The following TEKT5 variants were observed in gnomAD, a reference collection of about 807,000 sequenced individuals.
TEKT5 encodes the protein tektin-5.
Under a neutral mutation model 48.7 loss-of-function variants are expected in TEKT5, and 52 were observed. The observed-to-expected ratio is 1.07, with a 90% CI of 0.86 to 1.35. The LOEUF (loss-of-function observed/expected upper bound fraction) is 1.35. Among genes scored for constraint, TEKT5 ranks in the 40% most tolerant of loss-of-function variants. TEKT5 has a pLI of 0.00. For synonymous variants in TEKT5, 318 were observed against 267.6 expected (o/e 1.19, Z -1.84); for missense variants, 831 against 641.6 (o/e 1.30, Z -3.19).
chr16:10,629,596 A>C (rs997598170), intron 6 of TEKT5, among the ~76,000 whole-genome samples: 1 of 152,148 alleles, frequency 6.6e-6, no homozygotes, highest in Non-Finnish European at 1.5e-5. Flanking sequence ...CCTTGTCTAG[A>C]TAAGAGCCTC....
intron 5 of TEKT5, among the ~76,000 whole-genome samples, chr16:10,667,701 T>C (rs1051244447): frequency 6.6e-5 from 10 of 152,186 alleles, no homozygotes; most frequent in African/African-American, 1.7e-4. Context: ...ATATTTCCCA[T>C]ATCCACATAC....
intron 6 of TEKT5, among the ~76,000 whole-genome samples, chr16:10,629,253 ATTT>A (rs1010012795): frequency 6.9e-6 from 1 of 144,718 alleles, no homozygotes; most frequent in African/African-American, 2.5e-5. Context: ...TTTTATCACA[ATTT>A]TTTTTTTTTT....
chr16:10,678,409 T>G (rs930551012), intron 4 of TEKT5, among the ~76,000 whole-genome samples: 5 of 152,210 alleles, frequency 3.3e-5, no homozygotes, highest in Admixed American at 6.5e-5. Context: ...TTTTCAGACA[T>G]TTTAAAGCAC....
At chr16:10,641,695 G>T (rs1028865002) in intron 5 of TEKT5, among the ~76,000 whole-genome samples, 26 of 152,264 alleles carry the variant, frequency 1.7e-4, no homozygotes, top group Non-Finnish European at 3.4e-4. Flanking sequence ...GGTGATGCGC[G>T]CCTGTAGTCC....
intron 6 of TEKT5, among the ~76,000 whole-genome samples, chr16:10,631,354 G>C (rs1005889315): frequency 2.7e-5 from 4 of 147,644 alleles, no homozygotes; most frequent in Non-Finnish European, 6.0e-5. Context: ...CCATGGGGTG[G>C]GGGCGGGGGA....
intron 5 of TEKT5, among the ~76,000 whole-genome samples, chr16:10,658,587 G>A (rs537416839): frequency 1.3e-5 from 2 of 152,298 alleles, no homozygotes; most frequent in Non-Finnish European, 2.9e-5. Flanking sequence ...TTCCTTTGGG[G>A]AGGGGGTGTA....
chr16:10,672,720 C>A (rs1898568578), intron 5 of TEKT5, among the ~76,000 whole-genome samples: 1 of 152,194 alleles, frequency 6.6e-6, no homozygotes, highest in Non-Finnish European at 1.5e-5. Context: ...AACATATAGG[C>A]AAGTAAATCA....
chr16:10,642,775 C>G (rs935729983), intron 5 of TEKT5, among the ~76,000 whole-genome samples: 13 of 152,084 alleles, frequency 8.5e-5, no homozygotes, highest in Non-Finnish European at 1.9e-4. Flanking sequence ...TATGCAGAAG[C>G]TAAAGTGTTG....
intron 5 of TEKT5, among the ~76,000 whole-genome samples, chr16:10,660,908 C>A (rs1401914132): frequency 6.6e-6 from 1 of 152,056 alleles, no homozygotes; most frequent in East Asian, 1.9e-4. Context: ...GCCATGTTGG[C>A]CAGGCTGGTC....
chr16:10,664,866 A>G (rs1245197434), intron 5 of TEKT5, among the ~76,000 whole-genome samples: 1 of 152,256 alleles, frequency 6.6e-6, no homozygotes, highest in Non-Finnish European at 1.5e-5. Context: ...TACTATTTTT[A>G]TAGCTAATAG....
chr16:10,628,372 T>C lies in TEKT5; in HGVS notation c.1242-573A>G, dbSNP rs57008893. Among the ~76,000 whole-genome samples, 875 of 152,322 alleles carry C rather than the reference T, an allele frequency of 5.7e-3. 8 individuals carry two copies. The highest frequency in any genetic ancestry group is 0.02 in the African/African-American group (817 of 41,566). On this transcript the variant is annotated intron_variant, in intron 6 of 6. Transcript: ENST00000283025. ...ACAGGATAGGAGACCAATCTGGAGA[T>C]TCCTCGATAAGTTAGACATAGACTT...
chr16:10,652,990 C>T (rs1363760418), intron 5 of TEKT5, among the ~76,000 whole-genome samples: 1 of 152,234 alleles, frequency 6.6e-6, no homozygotes, highest in Non-Finnish European at 1.5e-5. Flanking sequence ...CACACATGCA[C>T]AGAGCTGGCA....
intron 5 of TEKT5, among the ~76,000 whole-genome samples, chr16:10,637,586 G>A (rs1002446359): frequency 2.6e-5 from 4 of 151,252 alleles, no homozygotes; most frequent in African/African-American, 9.7e-5. Context: ...CAGATCTCAG[G>A]GAGGGGCAGG....
intron 5 of TEKT5, among the ~76,000 whole-genome samples, chr16:10,670,353 C>G (rs1391557361): frequency 6.6e-6 from 1 of 152,138 alleles, no homozygotes; most frequent in African/African-American, 2.4e-5. Context: ...ATGGTGAAAC[C>G]TCATCTCTAC....
Position 10,694,391 on chromosome 16 carries a change from C to A in TEKT5, c.483G>T (p.Arg161Ser), listed in dbSNP as rs61731535. The A allele has an allele frequency of 6.2e-7, 1 of 1,614,006 alleles. No individual in the cohort carries two copies. The highest frequency in any genetic ancestry group is 8.5e-7 in the Non-Finnish European group (1 of 1,180,032). Residue 161 changes from arginine to serine, a missense_variant, in exon 1 of 7, where the codon AGG becomes AGT. Physicochemically the swap from Arg to Ser is moderately radical, Grantham distance 110 (BLOSUM62 -1). Coordinates refer to ENST00000283025, the MANE Select transcript of TEKT5 (RefSeq NM_144674.2). The stretch of plus-strand genomic sequence containing the variant: ...CCAAGTTCTGGTTCTCAGTCAGAAG[C>A]CTGTCCAGCTCATAGCTCAGCTCTG... ...WKSELSYELDRLLTENQNLET... is the reference protein window; with the variant it reads ...WKSELSYELDSLLTENQNLET...
chr16:10,675,538 C>T (rs747985981), intron 5 of TEKT5, among the ~76,000 whole-genome samples: 17 of 152,234 alleles, frequency 1.1e-4, no homozygotes, highest in Middle Eastern at 3.4e-3. Context: ...TAGACTGTTA[C>T]GGTACCGTTC....
intron 1 of TEKT5, chr16:10,692,764 T>C (rs1160238861): frequency 6.6e-6 from 1 of 152,194 alleles, no homozygotes; most frequent in Non-Finnish European, 1.5e-5. Context: ...AATGAGAATA[T>C]CAAGAGGCCC....
At chr16:10,669,822 G>A (rs1276146886) in intron 5 of TEKT5, among the ~76,000 whole-genome samples, 2 of 152,128 alleles carry the variant, frequency 1.3e-5, no homozygotes, top group Non-Finnish European at 2.9e-5. Context: ...CCAGGGCCCT[G>A]GGTCTCAGAG....
At chr16:10,661,680 C>G (rs937648355) in intron 5 of TEKT5, among the ~76,000 whole-genome samples, 1 of 152,108 alleles carries the variant, frequency 6.6e-6, no homozygotes, top group Admixed American at 6.5e-5. Context: ...ATGGAATGTG[C>G]GGAGTGAGGA....
Sources: gnomAD v4.1 joint callset for allele counts (sites outside exome capture counted in the v4.1 genomes callset) on GRCh38, gnomAD v4.1.1 for gene constraint, MANE v1.5 for transcripts, NCBI Gene and HGNC (gene_info 2026-07-23, HGNC 2026-07-21) for gene names.